The following OCA2 variants were observed in gnomAD, a reference collection of about 807,000 sequenced individuals.
OCA2 encodes the protein P protein.
OCA2 carries 77 observed loss-of-function variants against 100.2 expected under a neutral mutation model. The ratio of observed to expected loss-of-function variants is 0.77; its 90% CI spans 0.64 to 0.93. The LOEUF (loss-of-function observed/expected upper bound fraction) is 0.93, where lower values mean the gene tolerates loss of function less well. Among genes scored for constraint, OCA2 ranks in the 40% least tolerant of loss-of-function variants. The pLI is 0.00. For missense variants in OCA2, 1,062 were observed against 1,089.1 expected (o/e 0.98, Z 0.35); for synonymous variants, 432 against 439.2 (o/e 0.98, Z 0.21).
intron 1 of OCA2, among the ~76,000 whole-genome samples, chr15:28,086,207 C>T (rs1296981701): frequency 1.3e-5 from 2 of 152,252 alleles, no homozygotes; most frequent in African/African-American, 4.8e-5. Context: ...TCCTTCCTTG[C>T]TGACAGGGTG....
chr15:27,984,534 G>T (rs1332508683), intron 13 of OCA2, among the ~76,000 whole-genome samples: 30 of 152,094 alleles, frequency 2.0e-4, no homozygotes, highest in Admixed American at 1.9e-3. Context: ...GGCACCTGGT[G>T]GTCTGGGGTG....
intron 23 of OCA2, among the ~76,000 whole-genome samples, chr15:27,816,170 C>A (rs938681181): frequency 4.6e-5 from 7 of 151,922 alleles, no homozygotes; most frequent in African/African-American, 1.7e-4. Context: ...TAATTATATT[C>A]ATTATAAACT....
chr15:27,796,056 TG>T (rs2033316113), intron 23 of OCA2, among the ~76,000 whole-genome samples: 1 of 152,244 alleles, frequency 6.6e-6, no homozygotes, highest in Non-Finnish European at 1.5e-5. Flanking sequence ...ACTACCAGCC[TG>T]GTTACGTACT....
At chr15:27,946,074 G>T (rs1430158701) in intron 18 of OCA2, among the ~76,000 whole-genome samples, 1 of 152,132 alleles carries the variant, frequency 6.6e-6, no homozygotes, top group Non-Finnish European at 1.5e-5. Context: ...ATGTTTCACT[G>T]CAGAAATCAT....
chr15:27,867,768 AATGCTCACATTAT>A (rs2036382781), intron 21 of OCA2, among the ~76,000 whole-genome samples: 1 of 152,264 alleles, frequency 6.6e-6, no homozygotes, highest in Non-Finnish European at 1.5e-5. Context: ...TATGTATGTT[AATGCTCACATTAT>A]ATGAGCAATA....
At chr15:27,843,994 ACTC>A (rs1305800364) in intron 23 of OCA2, among the ~76,000 whole-genome samples, 2 of 152,150 alleles carry the variant, frequency 1.3e-5, no homozygotes, top group African/African-American at 4.8e-5. Flanking sequence ...TGTACAAAGA[ACTC>A]CACAGGAAAC....
At chr15:27,752,142 C>A (rs529519964), downstream of OCA2, among the ~76,000 whole-genome samples, 16 of 152,318 alleles carry the variant, frequency 1.1e-4, no homozygotes, top group Non-Finnish European at 2.1e-4. Context: ...CAAGCTCAGG[C>A]AGGACCAGAT....
chr15:28,028,163 T>A, intron 3 of OCA2, 104 bp from the exon 4 acceptor site: 1 of 1,336,468 alleles, frequency 7.5e-7, no homozygotes, highest in Non-Finnish European at 1.1e-6. Flanking sequence ...GAATCAACCC[T>A]GGTCTTTCAA....
intron 9 of OCA2, among the ~76,000 whole-genome samples, chr15:28,011,937 G>A (rs1421525039): frequency 2.0e-5 from 3 of 150,576 alleles, no homozygotes; most frequent in South Asian, 2.1e-4. Context: ...AAAAAAGGCC[G>A]GCACTGTGGC....
chr15:27,759,030 C>T (rs987231376), intron 23 of OCA2, among the ~76,000 whole-genome samples: 2 of 152,028 alleles, frequency 1.3e-5, no homozygotes, highest in African/African-American at 4.8e-5. Flanking sequence ...AAATCAAACT[C>T]GTGAAAACTA....
intron 21 of OCA2, among the ~76,000 whole-genome samples, chr15:27,859,300 T>C (rs1247461121): frequency 6.6e-6 from 1 of 151,906 alleles, no homozygotes; most frequent in African/African-American, 2.4e-5. Context: ...GAAAAAGAGA[T>C]AAAATACAAA....
rs1272465233 is a variant in OCA2 at position 27,957,598 on chromosome 15, T to TA, written c.1773_1774insT (p.Thr592TyrfsTer25). 5.0e-6 allele frequency: 8 copies of TA among 1,612,466 alleles called. No homozygotes were observed. Among genetic ancestry groups the TA allele is most frequent in the Non-Finnish European group, 6.8e-6 (8 of 1,179,850 alleles). ...GACCCCGCCCGGTACCTGTGGAAGGTGTGCAGCCTCCGGGCGAGCAGGTGC... is the reference window on the plus strand; with the variant it reads ...GACCCCGCCCGGTACCTGTGGAAGGTAGTGCAGCCTCCGGGCGAGCAGGTGC... On this transcript the variant is annotated frameshift_variant, in exon 16 of 24. Transcript: ENST00000354638. LOFTEE classifies it high-confidence loss of function. This position sits in a 1 kb window ranked among gnomAD's most constrained non-coding sequence, Gnocchi z 4.3.
chr15:27,988,462 T>C (rs1430088636), intron 11 of OCA2, among the ~76,000 whole-genome samples: 1 of 152,022 alleles, frequency 6.6e-6, no homozygotes, highest in Non-Finnish European at 1.5e-5. Flanking sequence ...GATGTCCTTA[T>C]AGGATGAGGG....
intron 12 of OCA2, among the ~76,000 whole-genome samples, chr15:27,985,593 T>C (rs576961090): frequency 1.3e-5 from 2 of 152,270 alleles, no homozygotes; most frequent in African/African-American, 4.8e-5. Flanking sequence ...TAAGGAGTAA[T>C]AGACCAAATA....
At chr15:27,753,961 A>G (rs1190005246), downstream of OCA2, among the ~76,000 whole-genome samples, 1 of 151,970 alleles carries the variant, frequency 6.6e-6, no homozygotes, top group African/African-American at 2.4e-5. Flanking sequence ...GATGTGGGAT[A>G]GAAGAGGAAA....
intron 23 of OCA2, among the ~76,000 whole-genome samples, chr15:27,771,386 TAAAAA>T (rs35814221): frequency 1.5e-5 from 2 of 131,652 alleles, no homozygotes; most frequent in Non-Finnish European, 3.2e-5. Flanking sequence ...GAGAGAAGCC[TAAAAA>T]AAAAAAAAAA....
chr15:27,913,845 AAG>A (rs2038508241), intron 19 of OCA2, among the ~76,000 whole-genome samples: 1 of 33,298 alleles, frequency 3.0e-5, no homozygotes, highest in Non-Finnish European at 4.8e-5. Context: ...AAAGGAAAGA[AAG>A]AAAGAAAGAA....
chr15:27,851,249 A>G (rs913495684), intron 22 of OCA2, 133 bp downstream of exon 22: 2 of 786,274 alleles, frequency 2.5e-6, no homozygotes, highest in Non-Finnish European at 4.4e-6. Context: ...AAAGCTGAAT[A>G]TGTGTGTCCA....
intron 14 of OCA2, among the ~76,000 whole-genome samples, chr15:27,969,486 A>G (rs1318807486): frequency 6.6e-6 from 1 of 152,224 alleles, no homozygotes; most frequent in Non-Finnish European, 1.5e-5. Context: ...GTAATTTCCT[A>G]GACTCTCGTC....
Sources: gnomAD v4.1 joint callset for allele counts (sites outside exome capture counted in the v4.1 genomes callset) on GRCh38, gnomAD v4.1.1 for gene constraint, Gnocchi (gnomAD v3.1) non-coding constraint, MANE v1.5 for transcripts, NCBI Gene and HGNC (gene_info 2026-07-23, HGNC 2026-07-21) for gene names.